The following CYP2A7 variants were observed in gnomAD, a reference collection of about 807,000 sequenced individuals.
CYP2A7 encodes the protein cytochrome P450 2A7.
Under a neutral mutation model 42.0 loss-of-function variants are expected in CYP2A7, and 36 were observed. The ratio of observed to expected loss-of-function variants is 0.86; its 90% CI spans 0.66 to 1.13. The LOEUF (loss-of-function observed/expected upper bound fraction) is 1.13, where lower values mean the gene tolerates loss of function less well. Ranked by LOEUF, CYP2A7 falls within the 50% of genes most tolerant of loss-of-function variation. CYP2A7 has a pLI of 0.00. For synonymous variants in CYP2A7, 260 were observed against 249.5 expected (o/e 1.04, Z -0.40); for missense variants, 661 against 634.1 (o/e 1.04, Z -0.46).
intron 2 of CYP2A7, among the ~76,000 whole-genome samples, chr19:40,880,916 T>A (rs1235060388): frequency 2.5e-5 from 3 of 122,050 alleles, no homozygotes; most frequent in Non-Finnish European, 5.2e-5. Flanking sequence ...CAGATAGAGA[T>A]GCGCAGAGAA....
At chr19:40,879,396 G>A (rs1967605298) in intron 4 of CYP2A7, among the ~76,000 whole-genome samples, 4 of 151,668 alleles carry the variant, frequency 2.6e-5, no homozygotes, top group Admixed American at 2.6e-4. Flanking sequence ...AGGTGTTCAG[G>A]TATTAAAGTG....
At chr19:40,880,693 C>T in intron 2 of CYP2A7, 65 bp from the exon 3 acceptor site, 1 of 1,537,658 alleles carries the variant, frequency 6.5e-7, no homozygotes, top group South Asian at 1.2e-5. Context: ...CGGACCAGTT[C>T]CAAGGGGCTC....
intron 7 of CYP2A7, 120 bp downstream of exon 7, chr19:40,877,070 C>T: frequency 8.6e-7 from 1 of 1,164,528 alleles, no homozygotes; most frequent in Admixed American, 2.2e-5. Context: ...TTGGGGAAGT[C>T]CTTTTTGACT....
In CYP2A7 at chr19:40,880,123, C is replaced by A. The variant is rs1245996616; in HGVS notation, c.615G>T (p.Met205Ile). The change falls in exon 4 of 9, where the codon ATG (methionine) becomes ATT (isoleucine). Residue 205 changes from methionine to isoleucine, a missense_variant. Around this residue, in one of 3 missense-constraint regions of CYP2A7, gnomAD observed 614 missense variants for 552.4 expected, o/e 1.11. Coordinates refer to ENST00000301146, the MANE Select transcript of CYP2A7 (RefSeq NM_000764.3). ...TTGACGTGAACTGGAAGATTCCTAGCATCATGCTCAGCAGTGACAGGAACT... is the reference window on the plus strand; with the variant it reads ...TTGACGTGAACTGGAAGATTCCTAGAATCATGCTCAGCAGTGACAGGAACT... ...DKEFLSLLSM[M>I]LGIFQFTSTS... The A allele has an allele frequency of 1.2e-6, 2 of 1,612,904 alleles. No homozygotes were observed. Among genetic ancestry groups the A allele is most frequent in the East Asian group, 2.2e-5 (1 of 44,882 alleles).
rs758910719 is a variant in CYP2A7 at position 40,878,720 on chromosome 19, C to G, written c.831+40G>C. On this transcript the variant is annotated intron_variant, in intron 5 of 8. Coordinates refer to ENST00000301146, the MANE Select transcript of CYP2A7 (RefSeq NM_000764.3). ...CCACTCCCAGTCTGATTTCCCTCTG[C>G]CTGGCTTTGCACCTCCCCGCACTGG... 75 of 1,602,462 alleles carry G rather than the reference C, an allele frequency of 4.7e-5. 1 individual carries two copies. The highest frequency in any genetic ancestry group is 6.1e-5 in the Non-Finnish European group (72 of 1,172,552).
chr19:40,882,005 C>A, intron 1 of CYP2A7, 26 bp downstream of exon 1: 1 of 1,602,708 alleles, frequency 6.2e-7, no homozygotes, highest in Non-Finnish European at 8.5e-7. Flanking sequence ...CCACCCTGTG[C>A]CACCCATCTT....
rs184466431 is a variant in CYP2A7, at chr19:40,875,724, C to A, written c.1454G>T (p.Arg485Leu). The A allele has an allele frequency of 5.4e-4, 871 of 1,606,928 alleles. No individual in the cohort carries two copies. In the East Asian group the frequency reaches 0.018, roughly 33 times the overall value. The change falls in exon 9 of 9, where the codon CGA becomes CTA. Residue 485 changes from arginine to leucine, a missense_variant. This residue lies in a region of CYP2A7 where 22 missense variants were observed against 19.3 expected (regional missense o/e 1.14). Transcript: ENST00000301146. Reference sequence around the variant, plus strand: ...GGGCAGGAAGCTCATGGTGTAGTTTCGTGGGATCGTGGCAAAGACCACGTG... The same window carrying A: ...GGGCAGGAAGCTCATGGTGTAGTTTAGTGGGATCGTGGCAAAGACCACGTG... ...PKHVVFATIP[R>L]NYTMSFLPR
Position 40,882,187 on chromosome 19 carries a change from C to G in CYP2A7, c.24G>C (p.Leu8=). 1 of 1,613,886 alleles carries G rather than the reference C, an allele frequency of 6.2e-7. No homozygotes were observed. Among genetic ancestry groups the G allele is most frequent in the Non-Finnish European group, 8.5e-7 (1 of 1,179,798 alleles). The part of the protein sequence containing the change: MLASGLL[L]VALLACLTVM... ...CAGTCAGGCAGGCCAGCAAGGCCAC[C>G]AGAAGCAGCCCTGAGGCCAGCATGG... Residue 8 remains leucine (L), a synonymous_variant, in exon 1 of 9, where the codon CTG becomes CTC. Transcript: ENST00000301146.
rs746157784 is a variant in CYP2A7 at position 40,880,202 on chromosome 19, G to A, written c.536C>T (p.Ser179Phe). ...AAAGACAATGGAGCTGATGACATTG[G>A]AGACTGTGCGGCTCAGGAAGAAGGT... The part of the protein sequence containing the change: ...DPTFFLSRTV[S>F]NVISSIVFGD... Residue 179 changes from serine to phenylalanine, a missense_variant, in exon 4 of 9, where the codon TCC (serine) becomes TTC (phenylalanine). Transcript: ENST00000301146. The A allele has an allele frequency of 1.2e-6, 2 of 1,612,966 alleles. No homozygotes were observed. Among genetic ancestry groups the A allele is most frequent in the South Asian group, 1.1e-5 (1 of 91,024 alleles).
At chr19:40,879,509 G>A (rs1167509500) in intron 4 of CYP2A7, among the ~76,000 whole-genome samples, 4 of 151,766 alleles carry the variant, frequency 2.6e-5, no homozygotes, top group Non-Finnish European at 4.4e-5. Context: ...GATTGGAAAG[G>A]GTTGGGGAAC....
At chr19:40,878,370 C>T (rs1172368266) in intron 5 of CYP2A7, among the ~76,000 whole-genome samples, 2 of 151,774 alleles carry the variant, frequency 1.3e-5, no homozygotes. Flanking sequence ...CATGCAGGCT[C>T]ACTTACTTTT....
intron 4 of CYP2A7, 49 bp from the exon 5 acceptor site, chr19:40,878,985 C>T (rs1967599511): frequency 6.4e-7 from 1 of 1,568,246 alleles, no homozygotes; most frequent in Middle Eastern, 1.9e-4. Flanking sequence ...TGTCACGGGG[C>T]AGGAGCTGAT....
chr19:40,880,815 G>GAGAGAGAA lies in CYP2A7; in HGVS notation c.344-188_344-187insTTCTCTCT, dbSNP rs1417347993. Reference sequence around the variant, plus strand: ...AACACGAGGGAGAGAGAGAGAGAGAGAGAGAGAGAGAGAGAGAGAGAGAGA... The same window carrying GAGAGAGAA: ...AACACGAGGGAGAGAGAGAGAGAGAGAGAGAGAAAGAGAGAGAGAGAGAGAGAGAGAGA... On this transcript the variant is annotated intron_variant, in intron 2 of 8. Coordinates refer to ENST00000301146, the MANE Select transcript of CYP2A7 (RefSeq NM_000764.3). 2.1e-4 allele frequency among the ~76,000 whole-genome samples: 8 copies of GAGAGAGAA among 37,554 alleles called. 3 individuals are homozygous for GAGAGAGAA. Among genetic ancestry groups the GAGAGAGAA allele is most frequent in the African/African-American group, 6.5e-4 (7 of 10,784 alleles). The allele number at this position is 37,554 out of a possible 152,430, so 24.6% of individuals were successfully genotyped here.
Position 40,877,923 on chromosome 19 carries a change from G to C in CYP2A7, c.902C>G (p.Ala301Gly), listed in dbSNP as rs2545754. ...GGTGGTGCTGACCGTCTCGGTGCCT[G>C]CAATGAAGAGGTTCAACGTGCTCAT... ...LMMSTLNLFIAGTETVSTTLR... is the reference protein window; with the variant it reads ...LMMSTLNLFIGGTETVSTTLR... Residue 301 changes from alanine (A) to glycine (G), a missense_variant, in exon 6 of 9, where the codon GCA becomes GGA. Ala to Gly is a moderately conservative substitution (Grantham distance 60). Transcript: ENST00000301146. 8.7e-6 allele frequency: 14 copies of C among 1,612,534 alleles called. No individual in the cohort carries two copies. The highest frequency in any genetic ancestry group is 1.3e-5 in the African/African-American group (1 of 74,862).
chr19:40,881,171 A>G (rs1248015043), intron 2 of CYP2A7, among the ~76,000 whole-genome samples: 3 of 151,662 alleles, frequency 2.0e-5, no homozygotes, highest in East Asian at 1.9e-4. Context: ...TGTGGAAGTA[A>G]GAATAGCATG....
chr19:40,880,875 A>T lies in CYP2A7; in HGVS notation c.344-247T>A, dbSNP rs371096555. Among the ~76,000 whole-genome samples the T allele has an allele frequency of 7.7e-5, 11 of 143,708 alleles. No individual in the cohort carries two copies. The East Asian group carries it at 2.3e-3, about 30-fold the overall frequency. 94.3% of individuals were successfully genotyped at this position (143,708 alleles called of 152,430 possible). ...AGAGAGAGAGAGACCGGGTAGAAAG[A>T]ATAAGAGAATCAGAAGAGAAACAGA... is the stretch of plus-strand genomic sequence containing the variant. On this transcript the variant is annotated intron_variant, in intron 2 of 8. Transcript: ENST00000301146.
rs1265338702 is a variant in CYP2A7 at position 40,882,111 on chromosome 19, G to T, written c.100C>A (p.Pro34Thr). 4 of 1,613,850 alleles carry T rather than the reference G, an allele frequency of 2.5e-6. No homozygotes were observed. The highest frequency in any genetic ancestry group is 3.4e-6 in the Non-Finnish European group (4 of 1,179,900). The change falls in exon 1 of 9, where the codon CCT (proline) becomes ACT (threonine). Residue 34 changes from proline (P) to threonine (T), a missense_variant. Around this residue, in one of 3 missense-constraint regions of CYP2A7, gnomAD observed 614 missense variants for 552.4 expected, o/e 1.11. Transcript: ENST00000301146. ...WQQRKSRGKLPPGPTPLPFIG... is the reference protein window; with the variant it reads ...WQQRKSRGKLTPGPTPLPFIG... ...AAGGGCAGTGGGGTGGGTCCCGGAG[G>T]CAGCTTCCCCCTGCTCTTCCTCTGC...
chr19:40,875,568 G>C lies in CYP2A7; in HGVS notation c.*125C>G. On this transcript the variant is annotated 3_prime_UTR_variant, in exon 9 of 9. Coordinates refer to ENST00000301146, the MANE Select transcript of CYP2A7 (RefSeq NM_000764.3). ...GCTTCTGTTTCTTCTCTTCCCTCTA[G>C]CCACCACGCCCCTTCCTTTCCCGCA... 1.4e-6 allele frequency: 2 copies of C among 1,472,702 alleles called. No individual in the cohort carries two copies. The highest frequency in any genetic ancestry group is 1.8e-6 in the Non-Finnish European group (2 of 1,085,414). 91.2% of individuals were successfully genotyped at this position (1,472,702 alleles called of 1,614,324 possible). A position where few individuals can be genotyped will look rare whatever the true frequency, so the allele number is the denominator to read the frequency against.
In CYP2A7 at chr19:40,877,688, C is replaced by T. The variant is rs576757216; in HGVS notation, c.973+164G>A. Among the ~76,000 whole-genome samples, 14 of 151,692 alleles carry T rather than the reference C, an allele frequency of 9.2e-5. No individual in the cohort carries two copies. In the South Asian group the frequency reaches 2.9e-3, roughly 32 times the overall value. On this transcript the variant is annotated intron_variant, in intron 6 of 8. Transcript: ENST00000301146. Reference sequence around the variant, plus strand: ...GCAGACATTTTCAATATTTTAATAGCTAATGAGACTCAGCTGATGCCTACC... The same window carrying T: ...GCAGACATTTTCAATATTTTAATAGTTAATGAGACTCAGCTGATGCCTACC...
Sources: allele counts gnomAD v4.1 joint callset (sites outside exome capture counted in the v4.1 genomes callset), GRCh38; gene constraint gnomAD v4.1.1; regional missense constraint gnomAD v4.1.1; transcripts MANE v1.5; gene names NCBI Gene and HGNC (gene_info 2026-07-23, HGNC 2026-07-21).